The following PDE6B variants were observed in gnomAD, a reference collection of about 807,000 sequenced individuals.
PDE6B encodes the protein rod cGMP-specific 3',5'-cyclic phosphodiesterase subunit beta.
In PDE6B, 106 loss-of-function variants were observed where a neutral mutation model predicts 109.0. The observed-to-expected ratio is 0.97, with a 90% CI of 0.83 to 1.14. PDE6B has a LOEUF of 1.14. PDE6B is among the 50% of genes most tolerant of loss of function. The probability of loss-of-function intolerance (pLI) is 0.00; values close to 1 mark genes in which losing one functional copy is unlikely to be tolerated. For missense variants in PDE6B, 1,193 were observed against 1,155.6 expected (o/e 1.03, Z -0.47); for synonymous variants, 490 against 471.3 (o/e 1.04, Z -0.51).
intron 1 of PDE6B, among the ~76,000 whole-genome samples, chr4:634,055 G>C (rs772799910): frequency 6.6e-6 from 1 of 151,990 alleles, no homozygotes; most frequent in African/African-American, 2.4e-5. Context: ...TCATCACGGT[G>C]GGCCCCAGAC....
At position 653,889 on chromosome 4, in the gene PDE6B, T is replaced by C; in HGVS notation, c.749T>C (p.Leu250Pro). The change falls in exon 4 of 22, where the codon CTG (leucine) becomes CCG (proline). Residue 250 changes from leucine (L) to proline (P), a missense_variant. Physicochemically the swap from Leu to Pro is moderately conservative, Grantham distance 98 (BLOSUM62 -3). Transcript: ENST00000496514. ...LWSANKVFEELTDIERQFHKA... is the reference protein window; with the variant it reads ...LWSANKVFEEPTDIERQFHKA... The stretch of plus-strand genomic sequence containing the variant: ...TCGGCCAACAAGGTGTTTGAGGAGC[T>C]GACGGACATCGAGAGGCAGTTCCAC... 6.2e-7 allele frequency: 1 copy of C among 1,613,898 alleles called. No homozygotes were observed. The highest frequency in any genetic ancestry group is 8.5e-7 in the Non-Finnish European group (1 of 1,180,020).
chr4:667,103 C>G (rs1737886745), intron 20 of PDE6B, among the ~76,000 whole-genome samples: 2 of 152,226 alleles, frequency 1.3e-5, no homozygotes, highest in Admixed American at 1.3e-4. Flanking sequence ...AGTCCGATGC[C>G]AGCTGAGTCT....
chr4:634,710 A>G lies in PDE6B; in HGVS notation c.502A>G (p.Thr168Ala). The stretch of plus-strand genomic sequence containing the variant: ...CTTCAGCTCATTTGCTGACGAGCTC[A>G]CTGACTACAAGACAAAGAATATGCT... ...PHFSSFADEL[T>A]DYKTKNMLAT... Residue 168 changes from threonine to alanine, a missense_variant, in exon 2 of 22, where the codon ACT becomes GCT. Coordinates refer to ENST00000496514, the MANE Select transcript of PDE6B (RefSeq NM_000283.4). 6.2e-7 allele frequency: 1 copy of G among 1,613,164 alleles called. No individual in the cohort carries two copies. Among genetic ancestry groups the G allele is most frequent in the South Asian group, 1.1e-5 (1 of 91,064 alleles).
chr4:654,782 C>T (rs762369920), intron 5 of PDE6B, 42 bp from the exon 6 acceptor site: 6 of 1,040,732 alleles, frequency 5.8e-6, no homozygotes, highest in Non-Finnish European at 9.2e-6. Flanking sequence ...CCCCTCAGAG[C>T]TTGGCCAGGC....
Position 665,420 on chromosome 4 carries a change from A to C in PDE6B, c.2268+91A>C. On this transcript the variant is annotated intron_variant, in intron 19 of 21. Transcript: ENST00000496514. The surrounding 1 kb of genome is among the most constrained non-coding windows in gnomAD (Gnocchi z 4.0). ...GAGCCTCAGGTCCTGGCTTGGTCTC[A>C]GGCAGGGGGTTCTGAGGTCGTGGGG... 1.1e-6 allele frequency: 1 copy of C among 874,956 alleles called. No individual in the cohort carries two copies. Among genetic ancestry groups the C allele is most frequent in the Non-Finnish European group, 1.9e-6 (1 of 520,538 alleles). The allele number at this position is 874,956 out of a possible 1,614,324, so 54.2% of individuals were successfully genotyped here. A position where few individuals can be genotyped will look rare whatever the true frequency, so the allele number is the denominator to read the frequency against.
At position 663,743 on chromosome 4, in the gene PDE6B, C is replaced by G; in HGVS notation, c.1921-27C>G. 6.3e-7 allele frequency: 1 copy of G among 1,582,460 alleles called. No individual in the cohort carries two copies. On this transcript the variant is annotated intron_variant, in intron 15 of 21. Transcript: ENST00000496514. This position sits in a 1 kb window ranked among gnomAD's most constrained non-coding sequence, Gnocchi z 4.0. ...ACCCTGAGAGGTGGCCGCAGGGCGC[C>G]TGACGCGCTGGGCATAACCTCCGCA...
At position 656,782 on chromosome 4, in the gene PDE6B, G is replaced by C; in HGVS notation, c.1108-92G>C. 4 of 1,210,544 alleles carry C rather than the reference G, an allele frequency of 3.3e-6. No individual in the cohort carries two copies. In the South Asian group the frequency reaches 4.9e-5, roughly 15 times the overall value. The allele number at this position is 1,210,544 out of a possible 1,614,324, so 75.0% of individuals were successfully genotyped here. ...CACGAGCCCAGCCGTCACGGCTCTA[G>C]GGGAGAAGACATGAGGTCACTCTCC... On this transcript the variant is annotated intron_variant, in intron 8 of 21. Coordinates refer to ENST00000496514, the MANE Select transcript of PDE6B (RefSeq NM_000283.4).
rs1354274526 is a variant in PDE6B, at chr4:633,776, C to G, written c.469-901C>G. On this transcript the variant is annotated intron_variant, in intron 1 of 21. Coordinates refer to ENST00000496514, the MANE Select transcript of PDE6B (RefSeq NM_000283.4). This position sits in a 1 kb window ranked among gnomAD's most constrained non-coding sequence, Gnocchi z 4.5. The stretch of plus-strand genomic sequence containing the variant: ...GGTCACTGCCCCAGGGCACCCTGGC[C>G]TCATGTAAACAAATGTCAGAACCAG... Among the ~76,000 whole-genome samples, 1 of 152,182 alleles carries G rather than the reference C, an allele frequency of 6.6e-6. No individual in the cohort carries two copies. Among genetic ancestry groups the G allele is most frequent in the Non-Finnish European group, 1.5e-5 (1 of 68,020 alleles).
Position 654,832 on chromosome 4 carries a change from C to A in PDE6B, c.936C>A (p.Val312=). The A allele has an allele frequency of 1.3e-6, 2 of 1,557,352 alleles. No individual in the cohort carries two copies. Among genetic ancestry groups the A allele is most frequent in the Admixed American group, 1.7e-5 (1 of 59,962 alleles). The stretch of plus-strand genomic sequence containing the variant: ...TGTCTTCTGCTTCTCAGGAAATTGT[C>A]TTCTACAAAGTGATCGACTACGTCC... The part of the protein sequence containing the change: ...GPRTPDGREI[V]FYKVIDYVLH... The change falls in exon 6 of 22, where the codon GTC becomes GTA. Residue 312 remains valine, a synonymous_variant. Coordinates refer to ENST00000496514, the MANE Select transcript of PDE6B (RefSeq NM_000283.4).
chr4:648,521 C>T lies in PDE6B; in HGVS notation c.712-5331C>T, dbSNP rs1482272663. On this transcript the variant is annotated intron_variant, in intron 3 of 21. Coordinates refer to ENST00000496514, the MANE Select transcript of PDE6B (RefSeq NM_000283.4). This position sits in a 1 kb window ranked among gnomAD's most constrained non-coding sequence, Gnocchi z 4.5. Reference sequence around the variant, plus strand: ...GGGATTGAAGCAGCCTCTGGGCGCTCCCCCCTCCCTCTGTCCCGGGCCCTC... The same window carrying T: ...GGGATTGAAGCAGCCTCTGGGCGCTTCCCCCTCCCTCTGTCCCGGGCCCTC... Among the ~76,000 whole-genome samples, 1 of 152,206 alleles carries T rather than the reference C, an allele frequency of 6.6e-6. No homozygotes were observed. The highest frequency in any genetic ancestry group is 2.4e-5 in the African/African-American group (1 of 41,460).
intron 1 of PDE6B, among the ~76,000 whole-genome samples, chr4:629,338 G>T (rs569640746): frequency 1.3e-5 from 2 of 152,228 alleles, no homozygotes; most frequent in African/African-American, 4.8e-5. Flanking sequence ...AGTTCACAGC[G>T]AGGGCAGCTG....
chr4:657,114 CT>C, intron 9 of PDE6B, 91 bp downstream of exon 9: 1 of 1,368,644 alleles, frequency 7.3e-7, no homozygotes, highest in Non-Finnish European at 1.0e-6. Flanking sequence ...AAGCATTCGG[CT>C]GTGTGCGTGT....
chr4:663,221 C>A lies in PDE6B; in HGVS notation c.1920+34C>A. On this transcript the variant is annotated intron_variant, in intron 15 of 21. Transcript: ENST00000496514. The surrounding 1 kb of genome is among the most constrained non-coding windows in gnomAD (Gnocchi z 4.0). ...ACTCACCCTCGGTTTCTGCTGTGGGCGCTGGGGACGCAGCGTCCGCAGGAC... is the reference window on the plus strand; with the variant it reads ...ACTCACCCTCGGTTTCTGCTGTGGGAGCTGGGGACGCAGCGTCCGCAGGAC... 8.3e-7 allele frequency: 1 copy of A among 1,204,140 alleles called. No homozygotes were observed. Among genetic ancestry groups the A allele is most frequent in the Non-Finnish European group, 1.2e-6 (1 of 805,816 alleles). The allele number at this position is 1,204,140 out of a possible 1,614,324, so 74.6% of individuals were successfully genotyped here. A position where few individuals can be genotyped will look rare whatever the true frequency, so the allele number is the denominator to read the frequency against.
rs993978365 is a variant in PDE6B at position 633,851 on chromosome 4, T to C, written c.469-826T>C. Among the ~76,000 whole-genome samples the C allele has an allele frequency of 7.2e-5, 11 of 152,164 alleles. No individual in the cohort carries two copies. The highest frequency in any genetic ancestry group is 2.6e-4 in the Admixed American group (4 of 15,284). On this transcript the variant is annotated intron_variant, in intron 1 of 21. Coordinates refer to ENST00000496514, the MANE Select transcript of PDE6B (RefSeq NM_000283.4). The surrounding 1 kb of genome is among the most constrained non-coding windows in gnomAD (Gnocchi z 4.5). ...ACATCCAACTCTCTGAAGGACAGAA[T>C]CCCAGTCACCGGGGGGTGTCTGGTC...
At chr4:667,758 G>A in intron 20 of PDE6B, 98 bp from the exon 21 acceptor site, 1 of 1,337,058 alleles carries the variant, frequency 7.5e-7, no homozygotes, top group African/African-American at 1.4e-5. Flanking sequence ...CTGCCAGGCA[G>A]TTCATCCCCT....
chr4:670,192 G>A lies in PDE6B; in HGVS notation c.*85G>A, dbSNP rs1738358852. 1.2e-6 allele frequency: 2 copies of A among 1,604,292 alleles called. No individual in the cohort carries two copies. The highest frequency in any genetic ancestry group is 1.7e-6 in the Non-Finnish European group (2 of 1,174,316). On this transcript the variant is annotated 3_prime_UTR_variant, in exon 22 of 22. Coordinates refer to ENST00000496514, the MANE Select transcript of PDE6B (RefSeq NM_000283.4). Reference sequence around the variant, plus strand: ...CTGCCTGTGGCTATTTGCTACAAGAGGTTAGGAAGCCCAAGAAAATGACTG... The same window carrying A: ...CTGCCTGTGGCTATTTGCTACAAGAAGTTAGGAAGCCCAAGAAAATGACTG...
chr4:637,751 C>G (rs577383656), intron 3 of PDE6B, among the ~76,000 whole-genome samples: 1 of 152,334 alleles, frequency 6.6e-6, no homozygotes, highest in South Asian at 2.1e-4. Flanking sequence ...CCTGCGTGTG[C>G]GCAGAGCTGC....
chr4:655,013 G>GC (rs559088404), intron 6 of PDE6B, 125 bp downstream of exon 6: 817 of 745,262 alleles, frequency 1.1e-3, no homozygotes, highest in Non-Finnish European at 1.7e-3. Context: ...GCCTGGCCTG[G>GC]CCCCACCTGT....
rs956462633 is a variant in PDE6B at position 662,612 on chromosome 4, A to T, written c.1826A>T (p.Gln609Leu). Residue 609 changes from glutamine (Q) to leucine (L), a missense_variant, in exon 14 of 22, where the codon CAG (glutamine) becomes CTG (leucine). By Grantham distance (113) the Gln-to-Leu change is moderately radical. Coordinates refer to ENST00000496514, the MANE Select transcript of PDE6B (RefSeq NM_000283.4). The surrounding 1 kb of genome is among the most constrained non-coding windows in gnomAD (Gnocchi z 4.3). ...IDHRGTNNLY[Q>L]MKSQNPLAKL... ...CACCGCGGCACCAACAACCTGTACC[A>T]GATGAAGTAGGCACCTCAGGGCGGG... The T allele has an allele frequency of 3.8e-6, 6 of 1,592,674 alleles. No individual in the cohort carries two copies. Among genetic ancestry groups the T allele is most frequent in the Non-Finnish European group, 5.2e-6 (6 of 1,161,248 alleles).
Sources: allele counts gnomAD v4.1 joint callset (sites outside exome capture counted in the v4.1 genomes callset), GRCh38; gene constraint gnomAD v4.1.1; non-coding constraint Gnocchi (gnomAD v3.1); transcripts MANE v1.5; gene names NCBI Gene and HGNC (gene_info 2026-07-23, HGNC 2026-07-21).